Variants in SERINC5 observed in about 807,000 individuals in gnomAD.
The protein encoded by SERINC5 is serine incorporator 5, also known as chromosome 5 open reading frame 12.
In SERINC5, 41 loss-of-function variants were observed where a neutral mutation model predicts 63.1. The ratio of observed to expected loss-of-function variants is 0.65; its 90% CI spans 0.51 to 0.84. The LOEUF is 0.84. Among genes scored for constraint, SERINC5 ranks in the 40% least tolerant of loss-of-function variants. The pLI, the probability that SERINC5 is intolerant of heterozygous loss-of-function variation, is 0.00. For synonymous variants in SERINC5, 222 were observed against 215.2 expected, an observed-to-expected ratio of 1.03 and a Z score of -0.28; for missense variants, 523 against 573.0, an observed-to-expected ratio of 0.91 and a Z score of 0.89.
chr5:80,144,891 T>G (rs1312326742), intron 11 of SERINC5, among the ~76,000 whole-genome samples: 1 of 151,884 alleles, frequency 6.6e-6, no homozygotes, highest in Non-Finnish European at 1.5e-5. Context: ...AAGCTTAACT[T>G]AGTGGTCAAA....
intron 1 of SERINC5, among the ~76,000 whole-genome samples, chr5:80,250,821 G>C (rs1752376600): frequency 6.6e-6 from 1 of 152,074 alleles, no homozygotes; most frequent in African/African-American, 2.4e-5. Flanking sequence ...CCAACCCTTT[G>C]TAACTTTTCA....
intron 1 of SERINC5, among the ~76,000 whole-genome samples, chr5:80,231,121 T>G (rs1190784159): frequency 6.6e-6 from 1 of 152,168 alleles, no homozygotes; most frequent in Non-Finnish European, 1.5e-5. Context: ...TCAAAGCCAG[T>G]ATTCTTAACT....
At chr5:80,213,186 C>T (rs1386781204) in intron 1 of SERINC5, among the ~76,000 whole-genome samples, 1 of 149,258 alleles carries the variant, frequency 6.7e-6, no homozygotes, top group Non-Finnish European at 1.5e-5. Flanking sequence ...GCGGAGGTTG[C>T]AGTGAGCAGA....
At position 80,148,821 on chromosome 5, in the gene SERINC5, G is replaced by A. The variant is rs538883371; in HGVS notation, c.1054-1537C>T. On this transcript the variant is annotated intron_variant, in intron 9 of 11. Transcript: ENST00000507668. ...CAGAGAGCCAAGGATAAGAATATGAGAGCTTGAGCCTTCATCTCATTTGTG... is the reference window on the plus strand; with the variant it reads ...CAGAGAGCCAAGGATAAGAATATGAAAGCTTGAGCCTTCATCTCATTTGTG... Among the ~76,000 whole-genome samples, 25 of 152,258 alleles carry A rather than the reference G, an allele frequency of 1.6e-4. No individual in the cohort carries two copies. In the South Asian group the frequency reaches 4.4e-3, roughly 27 times the overall value.
intron 1 of SERINC5, among the ~76,000 whole-genome samples, chr5:80,250,671 A>G (rs1752370940): frequency 6.6e-6 from 1 of 152,200 alleles, no homozygotes; most frequent in Non-Finnish European, 1.5e-5. Context: ...TTTTTTAAAT[A>G]AGTCTTCTTC....
rs965741018 is a variant in SERINC5 at position 80,141,974 on chromosome 5, A to G, written c.*1689T>C. 7 of 985,308 alleles carry G rather than the reference A, an allele frequency of 7.1e-6. No individual in the cohort carries two copies. In the African/African-American group the frequency reaches 1.0e-4, roughly 15 times the overall value. The allele number at this position is 985,308 out of a possible 1,614,324, so 61.0% of individuals were successfully genotyped here. Reference sequence around the variant, plus strand: ...GGGAGAAGGGCAAAGGAATGAATAGAAAGAATTTCACTAATTTCACCCACC... The same window carrying G: ...GGGAGAAGGGCAAAGGAATGAATAGGAAGAATTTCACTAATTTCACCCACC... On this transcript the variant is annotated 3_prime_UTR_variant, in exon 12 of 12. Coordinates refer to ENST00000507668, the MANE Select transcript of SERINC5 (RefSeq NM_001174072.3).
intron 5 of SERINC5, among the ~76,000 whole-genome samples, chr5:80,172,707 G>A (rs1043834254): frequency 6.6e-6 from 1 of 152,070 alleles, no homozygotes. Flanking sequence ...TTTTAAGAAG[G>A]AAAAAAATAT....
intron 2 of SERINC5, among the ~76,000 whole-genome samples, chr5:80,192,239 A>C (rs1040021527): frequency 2.6e-5 from 4 of 152,178 alleles, no homozygotes; most frequent in African/African-American, 9.7e-5. Flanking sequence ...ACAAATGCAC[A>C]TTTCAAAAGC....
intron 11 of SERINC5, among the ~76,000 whole-genome samples, chr5:80,117,177 C>T (rs909856999): frequency 6.6e-5 from 10 of 152,170 alleles, no homozygotes; most frequent in South Asian, 4.1e-4. Flanking sequence ...CAAACTAACA[C>T]GGAAGATGGC....
chr5:80,132,462 C>T (rs541557553), intron 11 of SERINC5, among the ~76,000 whole-genome samples: 1 of 152,140 alleles, frequency 6.6e-6, no homozygotes, highest in African/African-American at 2.4e-5. Context: ...TGTATCTCCT[C>T]ATGTTGTTCC....
At position 80,116,409 on chromosome 5, in the gene SERINC5, A is replaced by T. The variant is rs555054512; in HGVS notation, c.1239-2784T>A. On this transcript the variant is annotated intron_variant, in intron 11 of 12. Coordinates refer to the SERINC5 transcript ENST00000509193. The stretch of plus-strand genomic sequence containing the variant: ...AATGGGACAGGCCCAGGCCATCCAG[A>T]TCACTATGAACCTTATCAGAAACTT... 13 of 446,520 alleles carry T rather than the reference A, an allele frequency of 2.9e-5. No individual in the cohort carries two copies. The East Asian group carries it at 9.0e-4, about 31-fold the overall frequency. The allele number at this position is 446,520 out of a possible 1,614,324, so 27.7% of individuals were successfully genotyped here.
intron 11 of SERINC5, among the ~76,000 whole-genome samples, chr5:80,145,301 C>T (rs1745747053): frequency 6.6e-6 from 1 of 151,968 alleles, no homozygotes; most frequent in African/African-American, 2.4e-5. Context: ...CGAGATTGCG[C>T]CACTGCACTC....
chr5:80,234,079 G>C (rs552651202), intron 1 of SERINC5, among the ~76,000 whole-genome samples: 5 of 152,090 alleles, frequency 3.3e-5, no homozygotes, highest in African/African-American at 1.2e-4. Flanking sequence ...CAAAGTGCTG[G>C]GATTACAGGC....
intron 1 of SERINC5, among the ~76,000 whole-genome samples, chr5:80,220,880 G>A (rs1199041181): frequency 3.9e-5 from 6 of 152,126 alleles, no homozygotes. Context: ...AGGAACAGAG[G>A]TTTGGGAGGA....
intron 2 of SERINC5, among the ~76,000 whole-genome samples, chr5:80,185,369 A>G (rs1748728526): frequency 6.6e-6 from 1 of 152,178 alleles, no homozygotes; most frequent in East Asian, 1.9e-4. Flanking sequence ...GTAAAATGAA[A>G]CAATACCGAC....
chr5:80,199,919 A>G (rs1296074498), intron 2 of SERINC5, among the ~76,000 whole-genome samples: 1 of 152,226 alleles, frequency 6.6e-6, no homozygotes, highest in Non-Finnish European at 1.5e-5. Context: ...TAAGTAATTT[A>G]CTGTATTACT....
chr5:80,243,401 G>A (rs1752033262), intron 1 of SERINC5, among the ~76,000 whole-genome samples: 1 of 151,812 alleles, frequency 6.6e-6, no homozygotes, highest in Non-Finnish European at 1.5e-5. Context: ...ACAACATTAG[G>A]GAGACAAGAC....
chr5:80,218,827 C>T (rs770713934), intron 1 of SERINC5, among the ~76,000 whole-genome samples: 2 of 152,116 alleles, frequency 1.3e-5, no homozygotes, highest in African/African-American at 2.4e-5. Flanking sequence ...CCGCTCTCCC[C>T]ACAAACCACA....
Position 80,150,906 on chromosome 5 carries a change from C to G in SERINC5, c.1029G>C (p.Gly343=). 1 of 1,613,310 alleles carries G rather than the reference C, an allele frequency of 6.2e-7. No individual in the cohort carries two copies. Residue 343 remains glycine (G), a synonymous_variant, in exon 9 of 12, where the codon GGG becomes GGC. Coordinates refer to ENST00000507668, the MANE Select transcript of SERINC5 (RefSeq NM_001174072.3). ...TTRSSSDALQ[G]RYAAPELEIA... ...CCTCCAATTCAGGAGCTGCGTATCG[C>G]CCCTGCAGAGCGTCAGAACTCGATC...
Sources: gnomAD v4.1 joint callset for allele counts (sites outside exome capture counted in the v4.1 genomes callset) on GRCh38, gnomAD v4.1.1 for gene constraint, MANE v1.5 for transcripts, NCBI Gene and HGNC (gene_info 2026-07-23, HGNC 2026-07-21) for gene names.